Variants in DNAJC16 observed in about 807,000 individuals in gnomAD.
The protein encoded by DNAJC16 is DnaJ heat shock protein family (Hsp40) member C16.
DNAJC16 carries 76 observed loss-of-function variants against 92.7 expected under a neutral mutation model. The observed-to-expected ratio is 0.82, with a 90% confidence interval of 0.68 to 0.99. The LOEUF is 0.99. Among genes scored for constraint, DNAJC16 ranks in the 50% least tolerant of loss-of-function variants. DNAJC16 has a pLI of 0.00. For synonymous variants in DNAJC16, 328 were observed against 358.7 expected (o/e 0.91, Z 0.97); for missense variants, 869 against 942.4 (o/e 0.92, Z 1.02).
intron 2 of DNAJC16, among the ~76,000 whole-genome samples, chr1:15,530,053 T>C (rs896064909): frequency 3.4e-5 from 5 of 148,032 alleles, no homozygotes; most frequent in African/African-American, 1.3e-4. Context: ...ATAGAAAATA[T>C]TATATTTTGG....
intron 3 of DNAJC16, 21 bp downstream of exon 3, chr1:15,534,324 A>G (rs753751569): frequency 6.2e-7 from 1 of 1,612,624 alleles, no homozygotes; most frequent in Non-Finnish European, 8.5e-7. Flanking sequence ...CAGCTTTGTG[A>G]TGCATCCATT....
intron 7 of DNAJC16, among the ~76,000 whole-genome samples, chr1:15,557,857 C>T (rs1490405026): frequency 6.6e-6 from 1 of 151,998 alleles, no homozygotes. Context: ...TTCAACCTCC[C>T]AAGTAGCTGG....
In DNAJC16 at chr1:15,565,812, C is replaced by T. The variant is rs374861354; in HGVS notation, c.1599-107C>T. 64 of 1,054,806 alleles carry T rather than the reference C, an allele frequency of 6.1e-5. No homozygotes were observed. In the African/African-American group the frequency reaches 6.3e-4, roughly 10 times the overall value. 65.3% of individuals were successfully genotyped at this position (1,054,806 alleles called of 1,614,324 possible). ...GCTCTGTTTGCCTGAAATTAGTAAG[C>T]GTTTATTGGTGTGAAGAGTTTTTGG... On this transcript the variant is annotated intron_variant, in intron 11 of 14. Coordinates refer to ENST00000375847, the MANE Select transcript of DNAJC16 (RefSeq NM_015291.4).
intron 2 of DNAJC16, 134 bp from the exon 3 acceptor site, chr1:15,534,103 C>G (rs1710723831): frequency 1.3e-6 from 1 of 790,320 alleles, no homozygotes; most frequent in Non-Finnish European, 1.9e-6. Flanking sequence ...TTGCCTCTAT[C>G]ATTTATTTTA....
At chr1:15,566,482 TGC>T in intron 13 of DNAJC16, 8 of 357,026 alleles carry the variant, frequency 2.2e-5, no homozygotes, top group East Asian at 5.8e-5. Context: ...ACCAGTCTTG[TGC>T]GCACACACAC....
At chr1:15,551,970 G>A (rs893957945) in intron 7 of DNAJC16, among the ~76,000 whole-genome samples, 1 of 151,470 alleles carries the variant, frequency 6.6e-6, no homozygotes, top group Non-Finnish European at 1.5e-5. Context: ...GGCAAAGGTT[G>A]CAGTGAGCCA....
At chr1:15,537,978 G>A (rs1710833323) in intron 4 of DNAJC16, among the ~76,000 whole-genome samples, 1 of 152,196 alleles carries the variant, frequency 6.6e-6, no homozygotes, top group South Asian at 2.1e-4. Context: ...GGTGCAGGCA[G>A]AGCTACCAGC....
At chr1:15,549,536 C>T (rs1175629723) in intron 7 of DNAJC16, among the ~76,000 whole-genome samples, 1 of 152,150 alleles carries the variant, frequency 6.6e-6, no homozygotes, top group Non-Finnish European at 1.5e-5. Flanking sequence ...ATTTTGAAGC[C>T]GGGCGTGGTG....
chr1:15,527,815 T>C (rs1239394407), intron 1 of DNAJC16, among the ~76,000 whole-genome samples: 1 of 152,146 alleles, frequency 6.6e-6, no homozygotes, highest in African/African-American at 2.4e-5. Context: ...TTCAGTAAGG[T>C]GTCACAGAAG....
intron 3 of DNAJC16, among the ~76,000 whole-genome samples, 189 bp downstream of exon 3, chr1:15,534,492 G>T (rs1303675062): frequency 1.3e-5 from 2 of 152,200 alleles, no homozygotes; most frequent in African/African-American, 4.8e-5. Context: ...GGGAGGCCGA[G>T]GTGGGTGGAT....
At chr1:15,567,679 C>A (rs919620674) in intron 14 of DNAJC16, 99 bp from the exon 15 acceptor site, 10 of 1,306,634 alleles carry the variant, frequency 7.7e-6, no homozygotes, top group Non-Finnish European at 1.1e-5. Context: ...CAACACAAAG[C>A]GTTTTCCTAT....
At chr1:15,563,829 G>A (rs866384590) in intron 9 of DNAJC16, 100 bp from the exon 10 acceptor site, 8 of 1,260,428 alleles carry the variant, frequency 6.3e-6, no homozygotes, top group African/African-American at 1.7e-5. Flanking sequence ...CAGCCTGGGC[G>A]ACAAAGCAAG....
At chr1:15,536,855 A>T in intron 4 of DNAJC16, 41 bp downstream of exon 4, 1 of 1,520,796 alleles carries the variant, frequency 6.6e-7, no homozygotes, top group Admixed American at 2.1e-5. Context: ...TATATAGATG[A>T]CTTTTTTTTT....
intron 6 of DNAJC16, among the ~76,000 whole-genome samples, chr1:15,548,058 AAAG>A (rs1638351890): frequency 1.3e-5 from 2 of 152,174 alleles, no homozygotes; most frequent in South Asian, 4.1e-4. Context: ...TAGCTATGAA[AAAG>A]AAGAGAGTTG....
In DNAJC16 at chr1:15,565,986, G is replaced by A. The variant is rs149464503; in HGVS notation, c.1666G>A (p.Val556Ile). 14 of 1,613,504 alleles carry A rather than the reference G, an allele frequency of 8.7e-6. No individual in the cohort carries two copies. The highest frequency in any genetic ancestry group is 2.7e-5 in the African/African-American group (2 of 74,686). Residue 556 changes from valine (V) to isoleucine (I), a missense_variant, in exon 12 of 15, where the codon GTT (valine) becomes ATT (isoleucine). Transcript: ENST00000375847. Reference protein sequence around the residue: ...ALFILFGTVIVQAFSDSNDER... With the variant: ...ALFILFGTVIIQAFSDSNDER... ...CTTCATCCTCTTCGGCACTGTCATC[G>A]TTCAGGCTTTCAGGTAAATGTCCTG... is the stretch of plus-strand genomic sequence containing the variant.
At chr1:15,540,645 A>AAC (rs528067579) in intron 4 of DNAJC16, among the ~76,000 whole-genome samples, 28 of 152,088 alleles carry the variant, frequency 1.8e-4, no homozygotes, top group Admixed American at 9.2e-4. Flanking sequence ...AGAGATGGTG[A>AAC]AGGCTGGTCT....
At position 15,546,882 on chromosome 1, in the gene DNAJC16, T is replaced by C. The variant is rs754769219; in HGVS notation, c.864+11T>C. 83 of 1,551,454 alleles carry C rather than the reference T, an allele frequency of 5.3e-5. No individual in the cohort carries two copies. The highest frequency in any genetic ancestry group is 6.8e-5 in the Non-Finnish European group (78 of 1,145,628). On this transcript the variant is annotated intron_variant, in intron 6 of 14. Transcript: ENST00000375847. ...CCACTGTTATACAAGGTACTTTCTA[T>C]GCTAGGATAATGGTTTCTTTTTCTT...
At chr1:15,544,160 A>ACACACACACACACACACACACACG (rs1557576370) in intron 4 of DNAJC16, among the ~76,000 whole-genome samples, 1 of 149,194 alleles carries the variant, frequency 6.7e-6, no homozygotes, top group African/African-American at 2.5e-5. Context: ...ATACACACAC[A>ACACACACACACACACACACACACG]CACACACACA....
chr1:15,538,139 G>A (rs1710837198), intron 4 of DNAJC16, among the ~76,000 whole-genome samples: 1 of 152,190 alleles, frequency 6.6e-6, no homozygotes, highest in African/African-American at 2.4e-5. Context: ...GCTCATACCT[G>A]TAATCCCAAC....
Sources: allele counts gnomAD v4.1 joint callset (sites outside exome capture counted in the v4.1 genomes callset), GRCh38; gene constraint gnomAD v4.1.1; transcripts MANE v1.5; gene names NCBI Gene and HGNC (gene_info 2026-07-23, HGNC 2026-07-21).